Variants in ACSBG1 observed in about 807,000 individuals in gnomAD.
The protein encoded by ACSBG1 is long-chain-fatty-acid--CoA ligase ACSBG1.
ACSBG1 carries 39 observed loss-of-function variants against 80.2 expected under a neutral mutation model. The ratio of observed to expected loss-of-function variants is 0.49; its 90% CI spans 0.38 to 0.64. The LOEUF is 0.64. Ranked by LOEUF, ACSBG1 falls within the 30% of genes least tolerant of loss-of-function variation. The pLI, the probability that ACSBG1 is intolerant of heterozygous loss-of-function variation, is 0.00. For synonymous variants in ACSBG1, 392 were observed against 379.5 expected (o/e 1.03, Z -0.38); for missense variants, 828 against 966.4 (o/e 0.86, Z 1.90).
At position 78,223,328 on chromosome 15, in the gene ACSBG1, G is replaced by A. The variant is rs370841586; in HGVS notation, c.131+11043C>T. On this transcript the variant is annotated intron_variant, in intron 1 of 13. Transcript: ENST00000258873. ...CCATCAGGAAAAATAGCTAATGCAC[G>A]CTGGGCTTAATACCTAGGTGATGGT... 1.3e-3 allele frequency among the ~76,000 whole-genome samples: 195 copies of A among 152,244 alleles called. 2 individuals are homozygous for A. The highest frequency in any genetic ancestry group is 4.2e-3 in the African/African-American group (174 of 41,528).
chr15:78,182,282 A>G, intron 7 of ACSBG1, 137 bp from the exon 8 acceptor site: 1 of 1,318,570 alleles, frequency 7.6e-7, no homozygotes, highest in Non-Finnish European at 1.0e-6. Context: ...ACCCCAGGAC[A>G]GGCCTCCCCT....
chr15:78,168,397 G>A lies in ACSBG1; in HGVS notation c.*3047C>T, dbSNP rs1446211708. ...CCAGCTATTCAGGACGCTGAGGCAG[G>A]AGAATCGCTTGAACCCAGGAGGCAG... On this transcript the variant is annotated 3_prime_UTR_variant, in exon 14 of 14. Coordinates refer to ENST00000258873, the MANE Select transcript of ACSBG1 (RefSeq NM_015162.5). 6.6e-6 allele frequency: 1 copy of A among 152,166 alleles called. No individual in the cohort carries two copies. Among genetic ancestry groups the A allele is most frequent in the African/African-American group, 2.4e-5 (1 of 41,424 alleles). The allele number at this position is 152,166 out of a possible 1,614,324, so 9.4% of individuals were successfully genotyped here.
chr15:78,174,435 T>C lies in ACSBG1; in HGVS notation c.1792A>G (p.Met598Val). ...AACTTCCTCTGGTCCCCAATGAGCATGGCGTTGCTGATGATGGGCAGCTCC... is the reference window on the plus strand; with the variant it reads ...AACTTCCTCTGGTCCCCAATGAGCACGGCGTTGCTGATGATGGGCAGCTCC... ...KMELPIISNA[M>V]LIGDQRKFLS... Residue 598 changes from methionine to valine, a missense_variant, in exon 12 of 14, where the codon ATG (methionine) becomes GTG (valine). Transcript: ENST00000258873. 6.2e-7 allele frequency: 1 copy of C among 1,614,178 alleles called. No individual in the cohort carries two copies. Among genetic ancestry groups the C allele is most frequent in the African/African-American group, 1.3e-5 (1 of 75,026 alleles).
At chr15:78,210,721 C>T (rs2075259620) in intron 1 of ACSBG1, among the ~76,000 whole-genome samples, 1 of 152,204 alleles carries the variant, frequency 6.6e-6, no homozygotes, top group Admixed American at 6.5e-5. Flanking sequence ...TCAAGCAATC[C>T]TCTCATCTCA....
At chr15:78,211,553 C>T (rs12900547) in intron 1 of ACSBG1, among the ~76,000 whole-genome samples, 64,473 of 152,192 alleles carry the variant, frequency 0.42, 14,377 homozygotes, top group East Asian at 0.77. Context: ...TTAAGCTCAT[C>T]GCCTTGCTCT....
At chr15:78,207,925 A>ACCCCCCCCCCCACCACCCCCCC in intron 2 of ACSBG1, 77 bp downstream of exon 2, 1 of 454,978 alleles carries the variant, frequency 2.2e-6, no homozygotes, top group Non-Finnish European at 4.3e-6. Flanking sequence ...GGTCCCCCAC[A>ACCCCCCCCCCCACCACCCCCCC]CCACCCACCC....
intron 1 of ACSBG1, among the ~76,000 whole-genome samples, chr15:78,224,515 C>T (rs1368775672): frequency 2.0e-5 from 3 of 151,808 alleles, no homozygotes; most frequent in South Asian, 2.1e-4. Context: ...ATCAGGAGAT[C>T]GAGGCCACCC....
At position 78,171,428 on chromosome 15, in the gene ACSBG1, C is replaced by T; in HGVS notation, c.*16G>A. The T allele has an allele frequency of 5.6e-6, 9 of 1,609,318 alleles. No individual in the cohort carries two copies. Among genetic ancestry groups the T allele is most frequent in the Non-Finnish European group, 7.7e-6 (9 of 1,175,806 alleles). On this transcript the variant is annotated 3_prime_UTR_variant, in exon 14 of 14. Coordinates refer to ENST00000258873, the MANE Select transcript of ACSBG1 (RefSeq NM_015162.5). Reference sequence around the variant, plus strand: ...CCTGCCCTCTATTCTATAGAAACTGCAGGCATAGGCCCTGATTACATTTTT... The same window carrying T: ...CCTGCCCTCTATTCTATAGAAACTGTAGGCATAGGCCCTGATTACATTTTT...
intron 13 of ACSBG1, 53 bp downstream of exon 13, chr15:78,173,540 A>G (rs2074848776): frequency 1.3e-6 from 2 of 1,595,178 alleles, no homozygotes; most frequent in South Asian, 1.1e-5. Context: ...AGGCACTGCC[A>G]TGGCCTCTGC....
At position 78,169,305 on chromosome 15, in the gene ACSBG1, A is replaced by G. The variant is rs1022132500; in HGVS notation, c.*2139T>C. 3 of 212,466 alleles carry G rather than the reference A, an allele frequency of 1.4e-5. No homozygotes were observed. Among genetic ancestry groups the G allele is most frequent in the Admixed American group, 5.8e-5 (1 of 17,146 alleles). 13.2% of individuals were successfully genotyped at this position (212,466 alleles called of 1,614,324 possible). On this transcript the variant is annotated 3_prime_UTR_variant, in exon 14 of 14. Transcript: ENST00000258873. ...TTCTAAACCATTTTACACTTAAGTT[A>G]AAATAGTTTCTCTTCAGCTGTAAAT... is the stretch of plus-strand genomic sequence containing the variant.
At chr15:78,214,746 C>A (rs1342566401) in intron 1 of ACSBG1, among the ~76,000 whole-genome samples, 1 of 151,902 alleles carries the variant, frequency 6.6e-6, no homozygotes, top group Non-Finnish European at 1.5e-5. Context: ...CAGCCTCAGC[C>A]CTAATTTTAA....
chr15:78,234,306 CAGCAG>C (rs2075474801), intron 1 of ACSBG1, 60 bp downstream of exon 1: 1 of 1,575,114 alleles, frequency 6.3e-7, no homozygotes, highest in Non-Finnish European at 8.6e-7. Context: ...CAAGTTCACA[CAGCAG>C]AGCAAAGTCT....
chr15:78,199,954 C>CA (rs2075151942), intron 2 of ACSBG1, among the ~76,000 whole-genome samples: 1 of 152,172 alleles, frequency 6.6e-6, no homozygotes, highest in Non-Finnish European at 1.5e-5. Flanking sequence ...TTTACTCCGC[C>CA]ACTCTCCACT....
chr15:78,208,219 G>A (rs922394447), intron 1 of ACSBG1, 117 bp from the exon 2 acceptor site: 242 of 739,472 alleles, frequency 3.3e-4, no homozygotes, highest in Middle Eastern at 6.9e-4. Flanking sequence ...TGGCACCTCT[G>A]TCTCCTGCAA....
chr15:78,172,692 AT>A lies in ACSBG1; in HGVS notation c.2089+900del, dbSNP rs930334533. Reference sequence around the variant, plus strand: ...TTGCAGCTCAGCTTTGCTGTAGACAATTGCATCTGGGTTCAGCCGTGATGGA... The same window carrying A: ...TTGCAGCTCAGCTTTGCTGTAGACAATGCATCTGGGTTCAGCCGTGATGGA... On this transcript the variant is annotated intron_variant, in intron 13 of 13. Coordinates refer to ENST00000258873, the MANE Select transcript of ACSBG1 (RefSeq NM_015162.5). This position sits in a 1 kb window ranked among gnomAD's most constrained non-coding sequence, Gnocchi z 4.1. Among the ~76,000 whole-genome samples the A allele has an allele frequency of 2.0e-5, 3 of 152,208 alleles. No homozygotes were observed. Among genetic ancestry groups the A allele is most frequent in the Admixed American group, 2.0e-4 (3 of 15,278 alleles).
chr15:78,174,568 G>C, intron 11 of ACSBG1, 44 bp from the exon 12 acceptor site: 1 of 1,588,462 alleles, frequency 6.3e-7, no homozygotes, highest in Non-Finnish European at 8.6e-7. Flanking sequence ...TGTAGTCCAG[G>C]TGCCCCAGCT....
At chr15:78,174,622 C>T (rs1238031360) in intron 11 of ACSBG1, 98 bp from the exon 12 acceptor site, 2 of 1,420,368 alleles carry the variant, frequency 1.4e-6, no homozygotes, top group African/African-American at 1.4e-5. Context: ...AGCCTCAGCA[C>T]AGCTGGAGAT....
At position 78,169,143 on chromosome 15, in the gene ACSBG1, A is replaced by T. The variant is rs1567074643; in HGVS notation, c.*2301T>A. Reference sequence around the variant, plus strand: ...TTTAGATCTGGCCTTTTCTTAACAAAATCTGTGCAAAAGATGCAGGTGGAT... The same window carrying T: ...TTTAGATCTGGCCTTTTCTTAACAATATCTGTGCAAAAGATGCAGGTGGAT... On this transcript the variant is annotated 3_prime_UTR_variant, in exon 14 of 14. Transcript: ENST00000258873. 4.0e-6 allele frequency: 2 copies of T among 505,868 alleles called. No homozygotes were observed. The highest frequency in any genetic ancestry group is 3.5e-6 in the Non-Finnish European group (1 of 288,228). 31.3% of individuals were successfully genotyped at this position (505,868 alleles called of 1,614,324 possible). A position where few individuals can be genotyped will look rare whatever the true frequency, so the allele number is the denominator to read the frequency against.
chr15:78,168,986 G>T lies in ACSBG1; in HGVS notation c.*2458C>A. On this transcript the variant is annotated 3_prime_UTR_variant, in exon 14 of 14. Coordinates refer to ENST00000258873, the MANE Select transcript of ACSBG1 (RefSeq NM_015162.5). ...GACTTCACAGAGGAAATCTGTCGCC[G>T]AGTAAAAGATTTAGATTAACACTTC... The T allele has an allele frequency of 6.3e-7, 1 of 1,598,360 alleles. No homozygotes were observed. The highest frequency in any genetic ancestry group is 8.6e-7 in the Non-Finnish European group (1 of 1,166,882).
Sources: allele counts gnomAD v4.1 joint callset (sites outside exome capture counted in the v4.1 genomes callset), GRCh38; gene constraint gnomAD v4.1.1; non-coding constraint Gnocchi (gnomAD v3.1); transcripts MANE v1.5; gene names NCBI Gene and HGNC (gene_info 2026-07-23, HGNC 2026-07-21).